The following SORCS2 variants were observed in gnomAD, a reference collection of about 807,000 sequenced individuals.
SORCS2 encodes the protein VPS10 domain-containing receptor SorCS2.
Under a neutral mutation model 141.6 loss-of-function variants are expected in SORCS2, and 100 were observed. That is an observed-to-expected ratio of 0.71 (90% CI 0.60 to 0.83). The LOEUF is 0.83. Among genes scored for constraint, SORCS2 ranks in the 40% least tolerant of loss-of-function variants. SORCS2 has a pLI of 0.00. For missense variants in SORCS2, 1,646 were observed against 1,560.2 expected, an observed-to-expected ratio of 1.05 and a Z score of -0.93; for synonymous variants, 789 against 676.9, an observed-to-expected ratio of 1.17 and a Z score of -2.57.
At chr4:7,577,954 C>A (rs143281459) in intron 3 of SORCS2, among the ~76,000 whole-genome samples, 207 of 151,760 alleles carry the variant, frequency 1.4e-3, no homozygotes, top group African/African-American at 4.8e-3. Context: ...ATATAGCATA[C>A]TGGCGAAGTC....
At chr4:7,462,809 C>T (rs1729391265) in intron 2 of SORCS2, among the ~76,000 whole-genome samples, 1 of 150,514 alleles carries the variant, frequency 6.6e-6, no homozygotes, top group African/African-American at 2.4e-5. Flanking sequence ...ATGTTGTGAG[C>T]ACTCACTATC....
chr4:7,361,089 C>T (rs916839226), intron 1 of SORCS2, among the ~76,000 whole-genome samples: 47 of 152,262 alleles, frequency 3.1e-4, no homozygotes, highest in African/African-American at 9.4e-4. Context: ...AAGCTCTGCC[C>T]GGCAGCCTCC....
chr4:7,734,389 T>C lies in SORCS2; in HGVS notation c.3311+15T>C. The stretch of plus-strand genomic sequence containing the variant: ...AAGTTCAAAAGGCAAGGCCCTTGGC[T>C]GCCCTCCTCTGCGGGGCTCTGACCA... On this transcript the variant is annotated intron_variant, in intron 25 of 26. Coordinates refer to ENST00000507866, the MANE Select transcript of SORCS2 (RefSeq NM_020777.3). 1 of 1,495,158 alleles carries C rather than the reference T, an allele frequency of 6.7e-7. No homozygotes were observed. Among genetic ancestry groups the C allele is most frequent in the Non-Finnish European group, 9.0e-7 (1 of 1,112,394 alleles). The allele number at this position is 1,495,158 out of a possible 1,614,324, so 92.6% of individuals were successfully genotyped here. A position where few individuals can be genotyped will look rare whatever the true frequency, so the allele number is the denominator to read the frequency against.
chr4:7,205,376 CAA>C (rs1189142211), intron 1 of SORCS2, among the ~76,000 whole-genome samples: 1 of 152,182 alleles, frequency 6.6e-6, no homozygotes, highest in Admixed American at 6.5e-5. Context: ...TAGCATAAAA[CAA>C]AGTATAGATC....
At chr4:7,573,520 C>T (rs563448000) in intron 3 of SORCS2, among the ~76,000 whole-genome samples, 23 of 152,222 alleles carry the variant, frequency 1.5e-4, no homozygotes, top group Admixed American at 3.9e-4. Flanking sequence ...TTGTTTGTTT[C>T]TTGTTTTTTG....
intron 4 of SORCS2, among the ~76,000 whole-genome samples, chr4:7,640,295 A>G (rs1720623677): frequency 7.6e-6 from 1 of 131,436 alleles, no homozygotes; most frequent in African/African-American, 3.1e-5. Context: ...TGAGCATGTG[A>G]GTCTACATGA....
chr4:7,622,404 C>T (rs531137247), intron 3 of SORCS2, among the ~76,000 whole-genome samples: 154 of 152,288 alleles, frequency 1.0e-3, no homozygotes, highest in African/African-American at 3.5e-3. Context: ...GCACAGGCAG[C>T]GAGGTAGGGA....
intron 2 of SORCS2, among the ~76,000 whole-genome samples, chr4:7,485,970 A>G (rs1301543989): frequency 6.6e-6 from 1 of 152,156 alleles, no homozygotes; most frequent in African/African-American, 2.4e-5. Context: ...GGGGCACCCC[A>G]TGCCTGCATC....
intron 2 of SORCS2, among the ~76,000 whole-genome samples, chr4:7,456,764 C>T (rs1728938562): frequency 6.6e-6 from 1 of 152,162 alleles, no homozygotes; most frequent in South Asian, 2.1e-4. Flanking sequence ...TGCTTGTCCC[C>T]CTGTGGCAGG....
rs371008719 is a variant in SORCS2, at chr4:7,197,736, TC to T, written c.480+4613del. Among the ~76,000 whole-genome samples, 500 of 152,160 alleles carry T rather than the reference TC, an allele frequency of 3.3e-3. 2 individuals carry two copies. Among genetic ancestry groups the T allele is most frequent in the African/African-American group, 0.011 (466 of 41,508 alleles). ...GGAAAAAATAGATTAAAAAGTCAGCTCCCGATGGACCCCAGATGTGAGGCTG... is the reference window on the plus strand; with the variant it reads ...GGAAAAAATAGATTAAAAAGTCAGCTCCGATGGACCCCAGATGTGAGGCTG... On this transcript the variant is annotated intron_variant, in intron 1 of 26. Coordinates refer to ENST00000507866, the MANE Select transcript of SORCS2 (RefSeq NM_020777.3).
In SORCS2 at chr4:7,225,245, C is replaced by T. The variant is rs191198078; in HGVS notation, c.480+32119C>T. 2.8e-4 allele frequency among the ~76,000 whole-genome samples: 43 copies of T among 152,258 alleles called. No homozygotes were observed. The East Asian group carries it at 5.8e-3, about 21-fold the overall frequency. ...TGGTGGGAACTGTGGGTACTGTGAT[C>T]GTGGCTATAGTCATGGCTCCTGGAT... On this transcript the variant is annotated intron_variant, in intron 1 of 26. Transcript: ENST00000507866.
intron 2 of SORCS2, among the ~76,000 whole-genome samples, chr4:7,464,322 A>T (rs920160387): frequency 5.3e-5 from 8 of 152,158 alleles, no homozygotes; most frequent in Admixed American, 1.3e-4. Context: ...ACATTGAGGG[A>T]TGAATAGAAG....
chr4:7,297,682 T>G (rs1356176315), intron 1 of SORCS2, among the ~76,000 whole-genome samples: 1 of 152,340 alleles, frequency 6.6e-6, no homozygotes, highest in East Asian at 1.9e-4. Context: ...GTTCCCAACC[T>G]GAGACGAAAG....
chr4:7,648,106 G>A lies in SORCS2; in HGVS notation c.814-6028G>A, dbSNP rs1190822136. Among the ~76,000 whole-genome samples the A allele has an allele frequency of 6.6e-6, 1 of 152,170 alleles. No homozygotes were observed. Among genetic ancestry groups the A allele is most frequent in the Non-Finnish European group, 1.5e-5 (1 of 68,042 alleles). On this transcript the variant is annotated intron_variant, in intron 4 of 26. Transcript: ENST00000507866. This position sits in a 1 kb window ranked among gnomAD's most constrained non-coding sequence, Gnocchi z 4.2. ...GAGGGCTCTGCTTACGGTGGGGCAGGTGGGGTGGCGGGCACCTCTGGGATT... is the reference window on the plus strand; with the variant it reads ...GAGGGCTCTGCTTACGGTGGGGCAGATGGGGTGGCGGGCACCTCTGGGATT...
chr4:7,518,938 G>A (rs1205965428), intron 2 of SORCS2, among the ~76,000 whole-genome samples: 1 of 152,154 alleles, frequency 6.6e-6, no homozygotes, highest in East Asian at 1.9e-4. Flanking sequence ...CCTCGCACCT[G>A]CTGCCTGTGG....
intron 10 of SORCS2, among the ~76,000 whole-genome samples, chr4:7,687,255 C>G (rs757254): frequency 0.68 from 103,505 of 151,972 alleles, 35,607 homozygotes; most frequent in East Asian, 0.91. Flanking sequence ...GATTAGAGCT[C>G]CCTTCTGCAG....
intron 4 of SORCS2, among the ~76,000 whole-genome samples, chr4:7,639,332 G>T (rs901835791): frequency 7.9e-5 from 12 of 152,218 alleles, no homozygotes; most frequent in Admixed American, 1.3e-4. Context: ...GCAGCTGCCA[G>T]TATCTCCTGG....
In SORCS2 at chr4:7,193,069, C is replaced by T; in HGVS notation, c.423C>T (p.Leu141=). 7 of 1,558,122 alleles carry T rather than the reference C, an allele frequency of 4.5e-6. No homozygotes were observed. Among genetic ancestry groups the T allele is most frequent in the East Asian group, 2.5e-5 (1 of 39,504 alleles). The part of the protein sequence containing the change: ...QVSLISTSFV[L]KGDATHNQAM... ...CGCTCATCAGCACGTCGTTCGTGCT[C>T]AAGGGGGACGCGACGCACAACCAGG... The change falls in exon 1 of 27, where the codon CTC becomes CTT. Residue 141 remains leucine, a synonymous_variant. Coordinates refer to ENST00000507866, the MANE Select transcript of SORCS2 (RefSeq NM_020777.3). This position sits in a 1 kb window ranked among gnomAD's most constrained non-coding sequence, Gnocchi z 4.8.
At chr4:7,226,608 C>T (rs1440150213) in intron 1 of SORCS2, among the ~76,000 whole-genome samples, 1 of 152,168 alleles carries the variant, frequency 6.6e-6, no homozygotes. Flanking sequence ...AACCCCGGCC[C>T]CTTCCCCCGA....
Sources: allele counts gnomAD v4.1 joint callset (sites outside exome capture counted in the v4.1 genomes callset), GRCh38; gene constraint gnomAD v4.1.1; non-coding constraint Gnocchi (gnomAD v3.1); transcripts MANE v1.5; gene names NCBI Gene and HGNC (gene_info 2026-07-23, HGNC 2026-07-21).